Variants in LHX2 observed in about 807,000 individuals in gnomAD.
The protein encoded by LHX2 is LIM homeobox 2.
Under a neutral mutation model 33.0 loss-of-function variants are expected in LHX2, and 6 were observed. The observed-to-expected ratio is 0.18, with a 90% CI of 0.10 to 0.36. The LOEUF is 0.36. Ranked by LOEUF, LHX2 falls within the 10% of genes least tolerant of loss-of-function variation. The pLI, the probability that LHX2 is intolerant of heterozygous loss-of-function variation, is 1.00. For synonymous variants in LHX2, 292 were observed against 253.1 expected (o/e 1.15, Z -1.46); for missense variants, 442 against 586.2 (o/e 0.75, Z 2.54).
chr9:124,014,394 G>A lies in LHX2; in HGVS notation c.323+231G>A, dbSNP rs1222368186. 6.6e-6 allele frequency among the ~76,000 whole-genome samples: 1 copy of A among 151,918 alleles called. No individual in the cohort carries two copies. Among genetic ancestry groups the A allele is most frequent in the African/African-American group, 2.4e-5 (1 of 41,236 alleles). ...ACGAAGTAGGAGAACCAGAAAAAAA[G>A]CAGAAGCTGCCCTCCTGCTCGGAGC... On this transcript the variant is annotated intron_variant, in intron 2 of 4. Transcript: ENST00000373615. This position sits in a 1 kb window ranked among gnomAD's most constrained non-coding sequence, Gnocchi z 4.8.
chr9:124,025,440 C>CAAA (rs71999375), intron 4 of LHX2, among the ~76,000 whole-genome samples: 12 of 104,300 alleles, frequency 1.2e-4, no homozygotes, highest in African/African-American at 4.2e-4. Context: ...GACTCTGTCT[C>CAAA]AAAAAAAAAA....
chr9:124,028,522 C>T, intron 4 of LHX2, among the ~76,000 whole-genome samples: 1 of 152,184 alleles, frequency 6.6e-6, no homozygotes, highest in Non-Finnish European at 1.5e-5. Flanking sequence ...TGGTCTAACC[C>T]TCTTGTTGTA....
At chr9:124,018,362 A>C (rs1180645757) in intron 3 of LHX2, among the ~76,000 whole-genome samples, 1 of 149,568 alleles carries the variant, frequency 6.7e-6, no homozygotes, top group Non-Finnish European at 1.5e-5. Flanking sequence ...GGGAATCTCG[A>C]CCCGCCCCCG....
intron 4 of LHX2, among the ~76,000 whole-genome samples, chr9:124,027,479 GAC>G (rs1423005973): frequency 2.6e-5 from 4 of 152,160 alleles, no homozygotes; most frequent in African/African-American, 9.7e-5. Context: ...TTATTATAAG[GAC>G]CAAATGAGTT....
Position 124,015,230 on chromosome 9 carries a change from C to A in LHX2, c.432C>A (p.Thr144=). ...LVYHLNCFTC[T]TCNKMLTTGD... ...ATCACCTCAACTGCTTCACGTGCAC[C>A]ACGTGTAACAAGATGCTGACCACGG... The change falls in exon 3 of 5, where the codon ACC becomes ACA. Residue 144 remains threonine, a synonymous_variant. Coordinates refer to ENST00000373615, the MANE Select transcript of LHX2 (RefSeq NM_004789.4). This position sits in a 1 kb window ranked among gnomAD's most constrained non-coding sequence, Gnocchi z 7.9. The A allele has an allele frequency of 6.2e-7, 1 of 1,614,200 alleles. No individual in the cohort carries two copies. Among genetic ancestry groups the A allele is most frequent in the Non-Finnish European group, 8.5e-7 (1 of 1,180,046 alleles).
At position 124,021,322 on chromosome 9, in the gene LHX2, G is replaced by C. The variant is rs778695417; in HGVS notation, c.933+18G>C. The C allele has an allele frequency of 1.9e-6, 3 of 1,610,026 alleles. No homozygotes were observed. Among genetic ancestry groups the C allele is most frequent in the African/African-American group, 2.7e-5 (2 of 74,902 alleles). On this transcript the variant is annotated intron_variant, in intron 4 of 4. Coordinates refer to ENST00000373615, the MANE Select transcript of LHX2 (RefSeq NM_004789.4). ...TCCTCCAGGTCAGCCAGGGCCAGGG[G>C]TGAGGGCATCTGCGACCACCAGGGA...
chr9:124,029,163 G>T (rs955024162), intron 4 of LHX2, among the ~76,000 whole-genome samples: 3 of 152,064 alleles, frequency 2.0e-5, no homozygotes, highest in African/African-American at 7.2e-5. Flanking sequence ...TATAAAATGG[G>T]AATAATAATA....
At chr9:124,022,710 CAAAA>C (rs981456204) in intron 4 of LHX2, among the ~76,000 whole-genome samples, 1 of 152,116 alleles carries the variant, frequency 6.6e-6, no homozygotes, top group African/African-American at 2.4e-5. Flanking sequence ...TTGTCAGAAA[CAAAA>C]AACAAACAAA....
At position 124,015,939 on chromosome 9, in the gene LHX2, A is replaced by G. The variant is rs1403229361; in HGVS notation, c.727+414A>G. On this transcript the variant is annotated intron_variant, in intron 3 of 4. Transcript: ENST00000373615. This position sits in a 1 kb window ranked among gnomAD's most constrained non-coding sequence, Gnocchi z 7.9. ...ACGAGGCAGGGCGGCGAGGGTCCCA[A>G]GAGAAAGGGCTGGCTGTGGCCCGGG... is the stretch of plus-strand genomic sequence containing the variant. Among the ~76,000 whole-genome samples, 1 of 152,212 alleles carries G rather than the reference A, an allele frequency of 6.6e-6. No homozygotes were observed. The highest frequency in any genetic ancestry group is 1.9e-4 in the East Asian group (1 of 5,176).
intron 4 of LHX2, among the ~76,000 whole-genome samples, chr9:124,023,258 G>C (rs1859325560): frequency 1.3e-5 from 2 of 151,912 alleles, no homozygotes; most frequent in African/African-American, 4.9e-5. Flanking sequence ...GGAAGAAGAA[G>C]AATTGTTTTG....
rs115265213 is a variant in LHX2 at position 124,026,862 on chromosome 9, C to G, written c.933+5558C>G. Among the ~76,000 whole-genome samples the G allele has an allele frequency of 5.3e-3, 801 of 152,308 alleles. 5 individuals carry two copies. Among genetic ancestry groups the G allele is most frequent in the African/African-American group, 0.018 (762 of 41,562 alleles). On this transcript the variant is annotated intron_variant, in intron 4 of 4. Transcript: ENST00000373615. Reference sequence around the variant, plus strand: ...TGAAGGAGGTAGTCAGGGAAGGCTTCCCTGAGGAGGAGGTGTGGTTTATAT... The same window carrying G: ...TGAAGGAGGTAGTCAGGGAAGGCTTGCCTGAGGAGGAGGTGTGGTTTATAT...
rs1828721528 is a variant in LHX2 at position 124,032,996 on chromosome 9, T to A, written c.*289T>A. On this transcript the variant is annotated 3_prime_UTR_variant, in exon 5 of 5. Coordinates refer to ENST00000373615, the MANE Select transcript of LHX2 (RefSeq NM_004789.4). The surrounding 1 kb of genome is among the most constrained non-coding windows in gnomAD (Gnocchi z 4.1). Reference sequence around the variant, plus strand: ...TTTAAGTTGGCTAGAGCTTCTGTATTTTCAAAGACTGCCACGTGCCTTAGG... The same window carrying A: ...TTTAAGTTGGCTAGAGCTTCTGTATATTCAAAGACTGCCACGTGCCTTAGG... 1 of 283,572 alleles carries A rather than the reference T, an allele frequency of 3.5e-6. No homozygotes were observed. The highest frequency in any genetic ancestry group is 5.1e-5 in the Admixed American group (1 of 19,466). The allele number at this position is 283,572 out of a possible 1,614,324, so 17.6% of individuals were successfully genotyped here. A position where few individuals can be genotyped will look rare whatever the true frequency, so the allele number is the denominator to read the frequency against.
At chr9:124,026,658 G>A (rs1828629791) in intron 4 of LHX2, among the ~76,000 whole-genome samples, 1 of 152,164 alleles carries the variant, frequency 6.6e-6, no homozygotes, top group African/African-American at 2.4e-5. Flanking sequence ...ATCAGAGCAT[G>A]TTAGCATTAA....
In LHX2 at chr9:124,025,209, G is replaced by A. The variant is rs202103368; in HGVS notation, c.933+3905G>A. ...ATCCCAGCACTTTGGGAGGCAGGCC[G>A]AGGCGGGCGGATTACAAGGTCAGGA... On this transcript the variant is annotated intron_variant, in intron 4 of 4. Transcript: ENST00000373615. 1.1e-4 allele frequency among the ~76,000 whole-genome samples: 16 copies of A among 152,184 alleles called. No individual in the cohort carries two copies. The East Asian group carries it at 1.4e-3, about 13-fold the overall frequency.
Position 124,032,319 on chromosome 9 carries a change from C to A in LHX2, c.934-101C>A. The A allele has an allele frequency of 7.3e-7, 1 of 1,369,754 alleles. No homozygotes were observed. Among genetic ancestry groups the A allele is most frequent in the Non-Finnish European group, 9.7e-7 (1 of 1,026,546 alleles). The allele number at this position is 1,369,754 out of a possible 1,614,324, so 84.9% of individuals were successfully genotyped here. ...CTTTTTGGATCCTCTTGGCAAAACACAGATCAGCGTCCCCAGAGGCAGCAG... is the reference window on the plus strand; with the variant it reads ...CTTTTTGGATCCTCTTGGCAAAACAAAGATCAGCGTCCCCAGAGGCAGCAG... On this transcript the variant is annotated intron_variant, in intron 4 of 4. Coordinates refer to ENST00000373615, the MANE Select transcript of LHX2 (RefSeq NM_004789.4). The surrounding 1 kb of genome is among the most constrained non-coding windows in gnomAD (Gnocchi z 4.1).
rs1859287546 is a variant in LHX2 at position 124,021,218 on chromosome 9, T to A, written c.847T>A (p.Ser283Thr). 2 of 1,614,088 alleles carry A rather than the reference T, an allele frequency of 1.2e-6. No homozygotes were observed. Among genetic ancestry groups the A allele is most frequent in the Non-Finnish European group, 1.7e-6 (2 of 1,180,004 alleles). Residue 283 changes from serine (S) to threonine (T), a missense_variant, in exon 4 of 5, where the codon TCT becomes ACT. Physicochemically the swap from Ser to Thr is moderately conservative, Grantham distance 58. Transcript: ENST00000373615. The part of the protein sequence containing the change: ...FKHHQLRTMK[S>T]YFAINHNPDA... ...GCACCACCAGCTTCGGACCATGAAGTCTTACTTTGCCATTAACCACAACCC... is the reference window on the plus strand; with the variant it reads ...GCACCACCAGCTTCGGACCATGAAGACTTACTTTGCCATTAACCACAACCC...
At chr9:124,023,578 A>C (rs1828554644) in intron 4 of LHX2, among the ~76,000 whole-genome samples, 1 of 152,316 alleles carries the variant, frequency 6.6e-6, no homozygotes, top group South Asian at 2.1e-4. Flanking sequence ...CCATTAGGGC[A>C]CAAACCTCTC....
chr9:124,032,610 T>C lies in LHX2; in HGVS notation c.1124T>C (p.Leu375Pro). 5 of 1,614,110 alleles carry C rather than the reference T, an allele frequency of 3.1e-6. No individual in the cohort carries two copies. The highest frequency in any genetic ancestry group is 4.2e-6 in the Non-Finnish European group (5 of 1,179,998). Reference sequence around the variant, plus strand: ...CTGACAGACTTGACTAGCCCCACCCTGCCAACTGTGACGTCCGTCTTAACT... The same window carrying C: ...CTGACAGACTTGACTAGCCCCACCCCGCCAACTGTGACGTCCGTCTTAACT... ...TTLTDLTSPT[L>P]PTVTSVLTSV... is the part of the protein sequence containing the mutation. Residue 375 changes from leucine to proline, a missense_variant, in exon 5 of 5, where the codon CTG (leucine) becomes CCG (proline). Around this residue, in one of 5 missense-constraint regions of LHX2, gnomAD observed 109 missense variants for 98.7 expected, o/e 1.10. Coordinates refer to ENST00000373615, the MANE Select transcript of LHX2 (RefSeq NM_004789.4). The surrounding 1 kb of genome is among the most constrained non-coding windows in gnomAD (Gnocchi z 4.1).
intron 3 of LHX2, among the ~76,000 whole-genome samples, chr9:124,020,463 G>A (rs1479474507): frequency 6.6e-6 from 1 of 152,170 alleles, no homozygotes; most frequent in African/African-American, 2.4e-5. Context: ...GGGTCCCTCA[G>A]TACTTTTGGG....
Sources: allele counts gnomAD v4.1 joint callset (sites outside exome capture counted in the v4.1 genomes callset), GRCh38; gene constraint gnomAD v4.1.1; regional missense constraint gnomAD v4.1.1; non-coding constraint Gnocchi (gnomAD v3.1); transcripts MANE v1.5; gene names NCBI Gene and HGNC (gene_info 2026-07-23, HGNC 2026-07-21).